Variants in SMYD3 observed in about 807,000 individuals in gnomAD.
SMYD3 encodes the protein histone-lysine N-methyltransferase SMYD3.
SMYD3 carries 36 observed loss-of-function variants against 57.7 expected under a neutral mutation model. That is an observed-to-expected ratio of 0.62 (90% CI 0.48 to 0.82). SMYD3 has a LOEUF of 0.82. SMYD3 is among the 40% of genes least tolerant of loss of function. The pLI, the probability that SMYD3 is intolerant of heterozygous loss-of-function variation, is 0.00. For missense variants in SMYD3, 515 were observed against 538.8 expected (o/e 0.96, Z 0.44); for synonymous variants, 211 against 195.0 (o/e 1.08, Z -0.68).
At chr1:245,899,547 T>TA (rs1224594540) in intron 8 of SMYD3, among the ~76,000 whole-genome samples, 6 of 152,186 alleles carry the variant, frequency 3.9e-5, no homozygotes, top group Non-Finnish European at 8.8e-5. Flanking sequence ...TTCAATGTGT[T>TA]AGATACAGCA....
At chr1:246,123,571 AACACACACACAC>A (rs557543331) in intron 5 of SMYD3, among the ~76,000 whole-genome samples, 4,532 of 129,560 alleles carry the variant, frequency 0.035, 259 homozygotes, top group African/African-American at 0.12. Flanking sequence ...TCCATCTCAA[AACACACACACAC>A]ACACACACAC....
At chr1:246,296,612 A>T (rs1024812487) in intron 5 of SMYD3, among the ~76,000 whole-genome samples, 1 of 152,132 alleles carries the variant, frequency 6.6e-6, no homozygotes, top group South Asian at 2.1e-4. Flanking sequence ...CATTGTGTGT[A>T]ATCTCATTTT....
At chr1:246,157,243 C>T (rs924571726) in intron 5 of SMYD3, among the ~76,000 whole-genome samples, 1 of 152,112 alleles carries the variant, frequency 6.6e-6, no homozygotes, top group Non-Finnish European at 1.5e-5. Flanking sequence ...AGCAAGTGTC[C>T]TTCAGGGAGG....
chr1:246,052,417 T>C (rs941899561), intron 5 of SMYD3: 14 of 151,990 alleles, frequency 9.2e-5, no homozygotes, highest in Non-Finnish European at 1.5e-4. Flanking sequence ...CTAGATGAGA[T>C]AGATAACAGG....
At chr1:245,844,568 TTCC>T (rs2050565745) in intron 10 of SMYD3, among the ~76,000 whole-genome samples, 1 of 151,712 alleles carries the variant, frequency 6.6e-6, no homozygotes, top group Admixed American at 6.6e-5. Flanking sequence ...GGATCCGGTT[TTCC>T]TCTTTCCATT....
intron 5 of SMYD3, among the ~76,000 whole-genome samples, chr1:246,179,912 C>A (rs2062507239): frequency 6.6e-6 from 1 of 152,106 alleles, no homozygotes; most frequent in Non-Finnish European, 1.5e-5. Flanking sequence ...TTCACCCTGG[C>A]TCTCAGTCTG....
chr1:245,849,164 T>C (rs1221862146), intron 10 of SMYD3, among the ~76,000 whole-genome samples: 1 of 152,154 alleles, frequency 6.6e-6, no homozygotes, highest in African/African-American at 2.4e-5. Context: ...ACAAAGTAGA[T>C]TCTAGTGGCT....
At chr1:245,991,328 G>C (rs902052405) in intron 5 of SMYD3, among the ~76,000 whole-genome samples, 2 of 152,202 alleles carry the variant, frequency 1.3e-5, no homozygotes, top group African/African-American at 2.4e-5. Context: ...TAGAGCCACA[G>C]CTTAAAAGTT....
At chr1:245,800,762 G>T (rs1407766023) in intron 10 of SMYD3, among the ~76,000 whole-genome samples, 2 of 152,184 alleles carry the variant, frequency 1.3e-5, no homozygotes, top group African/African-American at 2.4e-5. Flanking sequence ...ATCCATGGGA[G>T]AATGAGAGAC....
At chr1:246,498,635 G>A (rs2068406406) in intron 1 of SMYD3, among the ~76,000 whole-genome samples, 1 of 151,272 alleles carries the variant, frequency 6.6e-6, no homozygotes, top group Non-Finnish European at 1.5e-5. Flanking sequence ...GGAGGCTGAG[G>A]CAGGAGAATA....
intron 5 of SMYD3, among the ~76,000 whole-genome samples, chr1:246,315,429 A>G (rs1373920851): frequency 6.6e-6 from 1 of 152,208 alleles, no homozygotes; most frequent in East Asian, 1.9e-4. Context: ...ACCTCAATAG[A>G]GAGGGCGAGG....
At chr1:246,354,954 C>T in intron 2 of SMYD3, 77 bp downstream of exon 2, 1 of 1,318,956 alleles carries the variant, frequency 7.6e-7, no homozygotes, top group Admixed American at 1.8e-5. Context: ...TAGACACAGG[C>T]CAACAGGTAT....
intron 5 of SMYD3, among the ~76,000 whole-genome samples, chr1:246,049,708 C>T (rs896630442): frequency 3.3e-5 from 5 of 152,144 alleles, no homozygotes; most frequent in African/African-American, 4.8e-5. Flanking sequence ...AACTGAAAAA[C>T]AAACTAGCAT....
At chr1:246,197,132 A>C (rs1479850182) in intron 5 of SMYD3, among the ~76,000 whole-genome samples, 1 of 152,250 alleles carries the variant, frequency 6.6e-6, no homozygotes, top group African/African-American at 2.4e-5. Context: ...TAGAGATATA[A>C]AATAAATTGT....
intron 8 of SMYD3, among the ~76,000 whole-genome samples, chr1:245,904,937 T>C (rs1459727360): frequency 1.3e-5 from 2 of 151,700 alleles, no homozygotes; most frequent in Non-Finnish European, 2.9e-5. Flanking sequence ...AGCAGAGTCG[T>C]GAGGCCCCCA....
At chr1:246,220,677 C>G (rs2063239469) in intron 5 of SMYD3, among the ~76,000 whole-genome samples, 1 of 152,174 alleles carries the variant, frequency 6.6e-6, no homozygotes. Flanking sequence ...ACCAGTGAGG[C>G]CCCATTGTCA....
At chr1:246,067,802 A>G (rs992868997) in intron 5 of SMYD3, among the ~76,000 whole-genome samples, 1 of 152,194 alleles carries the variant, frequency 6.6e-6, no homozygotes, top group Non-Finnish European at 1.5e-5. Flanking sequence ...TGGAATAGAA[A>G]GTGGAGCTTT....
chr1:246,088,718 T>C (rs1274816877), intron 5 of SMYD3, among the ~76,000 whole-genome samples: 3 of 152,210 alleles, frequency 2.0e-5, no homozygotes, highest in Non-Finnish European at 4.4e-5. Context: ...GTGCTTATTT[T>C]TGTTTTCAGT....
chr1:245,964,796 T>TAAAAA (rs557500237), intron 5 of SMYD3, among the ~76,000 whole-genome samples: 10 of 131,386 alleles, frequency 7.6e-5, no homozygotes, highest in South Asian at 2.3e-4. Context: ...ACAAAGATTG[T>TAAAAA]AAAAAAAAAA....
Sources: gnomAD v4.1 joint callset for allele counts (sites outside exome capture counted in the v4.1 genomes callset) on GRCh38, gnomAD v4.1.1 for gene constraint, MANE v1.5 for transcripts, NCBI Gene and HGNC (gene_info 2026-07-23, HGNC 2026-07-21) for gene names.